NALF1: variants seen among roughly 807,000 people sequenced by gnomAD.
The protein encoded by NALF1 is family with sequence similarity 155 member A.
Under a neutral mutation model 48.4 loss-of-function variants are expected in NALF1, and 3 were observed. The observed-to-expected ratio is 0.06, with a 90% CI of 0.03 to 0.16. NALF1 has a LOEUF of 0.16. NALF1 is among the 10% of genes least tolerant of loss of function. The pLI is 1.00. For synonymous variants in NALF1, 262 were observed against 245.7 expected, an observed-to-expected ratio of 1.07 and a Z score of -0.62; for missense variants, 526 against 571.5, an observed-to-expected ratio of 0.92 and a Z score of 0.81.
intron 1 of NALF1, among the ~76,000 whole-genome samples, chr13:107,759,205 C>A (rs1243049132): frequency 1.3e-5 from 2 of 151,976 alleles, no homozygotes; most frequent in African/African-American, 4.8e-5. Context: ...TCTCTGATTT[C>A]TTTTGTTTTT....
At chr13:107,295,191 C>G (rs1411779986) in intron 1 of NALF1, among the ~76,000 whole-genome samples, 6 of 152,066 alleles carry the variant, frequency 3.9e-5, no homozygotes, top group Non-Finnish European at 4.4e-5. Flanking sequence ...ATCTTTGTGT[C>G]CAGGTGTACT....
chr13:107,289,295 G>C (rs9520365), intron 1 of NALF1, among the ~76,000 whole-genome samples: 1 of 151,878 alleles, frequency 6.6e-6, no homozygotes, highest in Non-Finnish European at 1.5e-5. Context: ...CACATGCCTT[G>C]TCTATTTACC....
intron 1 of NALF1, among the ~76,000 whole-genome samples, chr13:107,413,523 A>G (rs1452638641): frequency 6.6e-6 from 1 of 152,200 alleles, no homozygotes; most frequent in African/African-American, 2.4e-5. Flanking sequence ...ATTGAATTGT[A>G]GATGCTGGTT....
intron 1 of NALF1, among the ~76,000 whole-genome samples, chr13:107,297,542 C>T (rs1881748682): frequency 6.6e-6 from 1 of 152,082 alleles, no homozygotes; most frequent in Non-Finnish European, 1.5e-5. Flanking sequence ...CAGCCAGTTT[C>T]CCAAAGGCTA....
At chr13:107,439,233 G>A (rs16970110) in intron 1 of NALF1, among the ~76,000 whole-genome samples, 2,992 of 152,266 alleles carry the variant, frequency 0.02, 106 homozygotes, top group African/African-American at 0.069. Flanking sequence ...GAGAACCTCA[G>A]TCCTCATACT....
rs147494577 is a variant in NALF1, at chr13:107,362,585, G to A, written c.916-151830C>T. Among the ~76,000 whole-genome samples, 498 of 152,100 alleles carry A rather than the reference G, an allele frequency of 3.3e-3. No individual in the cohort carries two copies. The highest frequency in any genetic ancestry group is 4.8e-3 in the Non-Finnish European group (329 of 68,004). On this transcript the variant is annotated intron_variant, in intron 1 of 2. Coordinates refer to ENST00000375915, the MANE Select transcript of NALF1 (RefSeq NM_001080396.3). The surrounding 1 kb of genome is among the most constrained non-coding windows in gnomAD (Gnocchi z 4.6). ...CAGACACCAGTCACACTGGATTAGCGCCCACCCTAATGACCTCATCTTAAT... is the reference window on the plus strand; with the variant it reads ...CAGACACCAGTCACACTGGATTAGCACCCACCCTAATGACCTCATCTTAAT...
chr13:107,267,900 G>A (rs1228491254), intron 1 of NALF1, among the ~76,000 whole-genome samples: 2 of 151,960 alleles, frequency 1.3e-5, no homozygotes, highest in African/African-American at 4.8e-5. Context: ...TCTCGGGCAG[G>A]ACAGAGCCAG....
At chr13:107,263,222 C>T (rs890645793) in intron 1 of NALF1, among the ~76,000 whole-genome samples, 2 of 148,798 alleles carry the variant, frequency 1.3e-5, no homozygotes, top group Admixed American at 1.4e-4. Context: ...AATGTGTAGG[C>T]TCCCAACACC....
intron 1 of NALF1, among the ~76,000 whole-genome samples, chr13:107,838,275 T>C (rs1318524994): frequency 2.0e-5 from 3 of 152,140 alleles, no homozygotes; most frequent in Non-Finnish European, 4.4e-5. Context: ...CTCCATCCTA[T>C]GAATCAGAGT....
chr13:107,222,321 T>A lies in NALF1; in HGVS notation c.916-11566A>T, dbSNP rs189927371. ...TACAGAAGTGACACTAACTTGTATA[T>A]GTTTTAATTGTACTTGCTAAACATT... On this transcript the variant is annotated intron_variant, in intron 1 of 2. Coordinates refer to ENST00000375915, the MANE Select transcript of NALF1 (RefSeq NM_001080396.3). Among the ~76,000 whole-genome samples the A allele has an allele frequency of 2.1e-3, 327 of 152,342 alleles. 1 individual carries two copies. Among genetic ancestry groups the A allele is most frequent in the African/African-American group, 7.5e-3 (310 of 41,578 alleles).
intron 1 of NALF1, among the ~76,000 whole-genome samples, chr13:107,809,765 C>T (rs1334406466): frequency 6.6e-6 from 1 of 152,084 alleles, no homozygotes; most frequent in African/African-American, 2.4e-5. Context: ...TCACTATAGT[C>T]CACCCATACA....
rs1284005467 is a variant in NALF1 at position 107,754,214 on chromosome 13, G to C, written c.915+111468C>G. On this transcript the variant is annotated intron_variant, in intron 1 of 2. Transcript: ENST00000375915. ...TTATTTTTGTACTTATTCAGTAAAG[G>C]TGAGATTAGTTAGATGGTAGTGATG... 2.0e-5 allele frequency among the ~76,000 whole-genome samples: 3 copies of C among 152,084 alleles called. No homozygotes were observed. In the East Asian group the frequency reaches 5.8e-4, roughly 29 times the overall value.
At chr13:107,359,493 G>C (rs1225789493) in intron 1 of NALF1, among the ~76,000 whole-genome samples, 1 of 151,976 alleles carries the variant, frequency 6.6e-6, no homozygotes. Flanking sequence ...TTTAAAAGTG[G>C]ACAGTTTAAT....
chr13:107,305,950 T>G (rs1157913117), intron 1 of NALF1, among the ~76,000 whole-genome samples: 1 of 152,168 alleles, frequency 6.6e-6, no homozygotes. Context: ...TTGATGGATG[T>G]AATTTTTACC....
chr13:107,779,041 C>T (rs1269634543), intron 1 of NALF1, among the ~76,000 whole-genome samples: 2 of 152,174 alleles, frequency 1.3e-5, no homozygotes, highest in Middle Eastern at 3.4e-3. Context: ...TTTTATAGGT[C>T]GAGATTTATG....
At chr13:107,222,191 C>T (rs1231016101) in intron 1 of NALF1, among the ~76,000 whole-genome samples, 2 of 152,130 alleles carry the variant, frequency 1.3e-5, no homozygotes, top group Non-Finnish European at 2.9e-5. Context: ...GAAGTAACCG[C>T]CGCCTCCAAT....
intron 2 of NALF1, among the ~76,000 whole-genome samples, chr13:107,186,555 A>C (rs1442924951): frequency 6.6e-6 from 1 of 151,994 alleles, no homozygotes; most frequent in Non-Finnish European, 1.5e-5. Flanking sequence ...TTTAGTAGAG[A>C]TGGGGTTTCA....
At position 107,504,250 on chromosome 13, in the gene NALF1, C is replaced by CAA. The variant is rs769667553; in HGVS notation, c.916-293497_916-293496dup. 2.5e-3 allele frequency among the ~76,000 whole-genome samples: 178 copies of CAA among 71,654 alleles called. 1 individual carries two copies. Among genetic ancestry groups the CAA allele is most frequent in the East Asian group, 0.017 (47 of 2,774 alleles). The allele number at this position is 71,654 out of a possible 152,430, so 47.0% of individuals were successfully genotyped here. Reference sequence around the variant, plus strand: ...TGGACTACAGAGTGAGGCCCTATCTCAAAAAAAAAAAAAAAAAAAAATCAA... The same window carrying CAA: ...TGGACTACAGAGTGAGGCCCTATCTCAAAAAAAAAAAAAAAAAAAAAAATCAA... On this transcript the variant is annotated intron_variant, in intron 1 of 2. Coordinates refer to ENST00000375915, the MANE Select transcript of NALF1 (RefSeq NM_001080396.3).
chr13:107,209,404 G>T (rs182570988), intron 2 of NALF1, among the ~76,000 whole-genome samples: 204 of 152,092 alleles, frequency 1.3e-3, no homozygotes, highest in Non-Finnish European at 2.0e-3. Context: ...CTACTCGGGA[G>T]GCTGAGGCAT....
Sources: gnomAD v4.1 joint callset for allele counts (sites outside exome capture counted in the v4.1 genomes callset) on GRCh38, gnomAD v4.1.1 for gene constraint, Gnocchi (gnomAD v3.1) non-coding constraint, MANE v1.5 for transcripts, NCBI Gene and HGNC (gene_info 2026-07-23, HGNC 2026-07-21) for gene names.